The following IL4I1 variants were observed in gnomAD, a reference collection of about 807,000 sequenced individuals.
IL4I1 encodes the protein interleukin 4 induced 1.
IL4I1 carries 24 observed loss-of-function variants against 29.7 expected under a neutral mutation model. The observed-to-expected ratio is 0.81, with a 90% CI of 0.59 to 1.14. The LOEUF (loss-of-function observed/expected upper bound fraction) is 1.14. IL4I1 is among the 50% of genes most tolerant of loss of function. The probability of loss-of-function intolerance (pLI) is 0.00; values close to 1 mark genes in which losing one functional copy is unlikely to be tolerated. For missense variants in IL4I1, 686 were observed against 785.6 expected (o/e 0.87, Z 1.52); for synonymous variants, 371 against 352.5 (o/e 1.05, Z -0.59).
intron 4 of IL4I1, 39 bp from the exon 5 acceptor site, chr19:49,894,508 T>A: frequency 8.8e-7 from 1 of 1,140,886 alleles, no homozygotes. Context: ...CGGGCTCCAG[T>A]GGGGGTGGCC....
At chr19:49,909,899 G>T (rs774129115) in intron 2 of IL4I1, 30 of 1,404,232 alleles carry the variant, frequency 2.1e-5, no homozygotes, top group Non-Finnish European at 2.9e-5. Flanking sequence ...AGCAGAGGAA[G>T]TGACATTGTC....
intron 2 of IL4I1, chr19:49,909,638 G>C: frequency 6.2e-7 from 1 of 1,614,230 alleles, no homozygotes; most frequent in Non-Finnish European, 8.5e-7. Context: ...GAACAGGCCG[G>C]TGGAAGGGGT....
At chr19:49,910,446 ACTC>A (rs1369586701) in intron 2 of IL4I1, among the ~76,000 whole-genome samples, 1 of 151,744 alleles carries the variant, frequency 6.6e-6, no homozygotes, top group East Asian at 1.9e-4. Flanking sequence ...GGACACTGGA[ACTC>A]CTCCTCCTAA....
At chr19:49,900,331 G>C (rs995654248), upstream of IL4I1, among the ~76,000 whole-genome samples, 1 of 152,218 alleles carries the variant, frequency 6.6e-6, no homozygotes, top group African/African-American at 2.4e-5. Flanking sequence ...TGTCGCCCAG[G>C]CTGGAGTACA....
At chr19:49,899,342 C>T (rs563671227), upstream of IL4I1, among the ~76,000 whole-genome samples, 3 of 152,200 alleles carry the variant, frequency 2.0e-5, no homozygotes, top group East Asian at 5.8e-4. Flanking sequence ...ACTCCTCTGG[C>T]CCCAGGCATA....
At chr19:49,911,895 C>G (rs1406168754) in intron 2 of IL4I1, among the ~76,000 whole-genome samples, 1 of 152,210 alleles carries the variant, frequency 6.6e-6, no homozygotes, top group Non-Finnish European at 1.5e-5. Flanking sequence ...CCTGGCCCGG[C>G]CTACATCCAT....
At chr19:49,917,173 C>A (rs2075646770) in intron 2 of IL4I1, among the ~76,000 whole-genome samples, 1 of 152,154 alleles carries the variant, frequency 6.6e-6, no homozygotes, top group South Asian at 2.1e-4. Flanking sequence ...AGGAGAGAAA[C>A]AAGGGGAGAT....
rs1003992578 is a variant in IL4I1 at position 49,891,051 on chromosome 19, G to A, written c.693C>T (p.Asp231=). 5.6e-6 allele frequency: 9 copies of A among 1,613,044 alleles called. No individual in the cohort carries two copies. The highest frequency in any genetic ancestry group is 1.7e-5 in the Admixed American group (1 of 59,886). The change falls in exon 7 of 8, where the codon GAC becomes GAT. Residue 231 remains aspartate (D), a synonymous_variant. Transcript: ENST00000391826. ...LSRPAVQLLG[D]VMSEDGFFYL... ...AGAAGAAGCCATCCTCGGACATCACGTCTCCCAGAAGCTGCACGGCCGGCC... is the reference window on the plus strand; with the variant it reads ...AGAAGAAGCCATCCTCGGACATCACATCTCCCAGAAGCTGCACGGCCGGCC...
rs754006742 is a variant in IL4I1 at position 49,908,676 on chromosome 19, C to T, written c.-227-4355G>A. ...TGGTCCAGCTTCACCTTCTCCACCT[C>T]GCGGTGCAGGCTGGTGATCTTTTCT... is the stretch of plus-strand genomic sequence containing the variant. On this transcript the variant is annotated intron_variant, in intron 2 of 9. Coordinates refer to the IL4I1 transcript ENST00000341114. The T allele has an allele frequency of 1.2e-5, 20 of 1,612,078 alleles. No homozygotes were observed. Among genetic ancestry groups the T allele is most frequent in the Admixed American group, 3.3e-5 (2 of 60,010 alleles).
intron 2 of IL4I1, among the ~76,000 whole-genome samples, chr19:49,926,208 C>CAAAAAAAAA (rs33981121): frequency 2.4e-5 from 1 of 42,516 alleles, no homozygotes; most frequent in Non-Finnish European, 4.2e-5. Flanking sequence ...GACTCTGTCT[C>CAAAAAAAAA]AAAAAAAAAA....
At chr19:49,895,445 C>T (rs532636859) in intron 3 of IL4I1, among the ~76,000 whole-genome samples, 1 of 152,302 alleles carries the variant, frequency 6.6e-6, no homozygotes, top group East Asian at 1.9e-4. Flanking sequence ...CGTAGAAGCC[C>T]CTGGGCTGGC....
Position 49,896,033 on chromosome 19 carries a change from C to T in IL4I1, c.34G>A (p.Val12Ile), listed in dbSNP as rs138247129. Residue 12 changes from valine (V) to isoleucine (I), a missense_variant, in exon 3 of 8, where the codon GTC becomes ATC. Transcript: ENST00000391826. ...APLALHLLVL[V>I]PILLSLVASQ... is the part of the protein sequence containing the mutation. ...GCCACCAGGCTGAGGAGGATGGGGA[C>T]GAGGACGAGGAGGTGCAGGGCTGGG... 1.9e-4 allele frequency: 307 copies of T among 1,613,858 alleles called. No individual in the cohort carries two copies. Among genetic ancestry groups the T allele is most frequent in the Non-Finnish European group, 2.1e-4 (249 of 1,179,958 alleles).
upstream of IL4I1, among the ~76,000 whole-genome samples, chr19:49,897,643 C>T (rs1280397015): frequency 6.6e-6 from 1 of 152,200 alleles, no homozygotes; most frequent in East Asian, 1.9e-4. Flanking sequence ...GAGGGAAGCG[C>T]CCAGGCTTCA....
intron 2 of IL4I1, among the ~76,000 whole-genome samples, chr19:49,919,237 C>A (rs916629436): frequency 1.3e-5 from 2 of 152,162 alleles, no homozygotes; most frequent in African/African-American, 4.8e-5. Context: ...AATAGTGTGG[C>A]CTGTCTTCCC....
At chr19:49,927,485 C>T (rs1186937583) in intron 2 of IL4I1, among the ~76,000 whole-genome samples, 5 of 152,284 alleles carry the variant, frequency 3.3e-5, no homozygotes, top group African/African-American at 7.2e-5. Flanking sequence ...TGCAGGCCCA[C>T]GGGTGGGACA....
intron 3 of IL4I1, among the ~76,000 whole-genome samples, 157 bp downstream of exon 3, chr19:49,895,658 G>A (rs534962511): frequency 6.6e-6 from 1 of 152,122 alleles, no homozygotes; most frequent in Non-Finnish European, 1.5e-5. Context: ...ACAGCAGGGG[G>A]CTTGGGCCTC....
intron 2 of IL4I1, chr19:49,908,237 G>A (rs372281472): frequency 1.9e-6 from 3 of 1,612,652 alleles, no homozygotes; most frequent in East Asian, 2.2e-5. Flanking sequence ...GGCTGCTGTC[G>A]CTCAGTCAAA....
At chr19:49,891,535 C>G in intron 5 of IL4I1, 62 bp from the exon 6 acceptor site, 3 of 1,412,446 alleles carry the variant, frequency 2.1e-6, no homozygotes, top group Non-Finnish European at 3.0e-6. Flanking sequence ...GAGGCCGGGC[C>G]TGGAGCCCAC....
upstream of IL4I1, among the ~76,000 whole-genome samples, chr19:49,897,843 G>C (rs1019253650): frequency 3.9e-5 from 6 of 152,154 alleles, no homozygotes; most frequent in Admixed American, 3.9e-4. Context: ...GGGGGTTGGA[G>C]GGCATTAACA....
Sources: gnomAD v4.1 joint callset for allele counts (sites outside exome capture counted in the v4.1 genomes callset) on GRCh38, gnomAD v4.1.1 for gene constraint, MANE v1.5 for transcripts, NCBI Gene and HGNC (gene_info 2026-07-23, HGNC 2026-07-21) for gene names.